Variants in POU2F1 observed in about 807,000 individuals in gnomAD.
POU2F1 encodes the protein POU class 2 homeobox 1.
A neutral mutation model predicts 84.9 loss-of-function variants in POU2F1; 16 were observed. The ratio of observed to expected loss-of-function variants is 0.19; its 90% CI spans 0.13 to 0.29. The LOEUF is 0.29. Ranked by LOEUF, POU2F1 falls within the 10% of genes least tolerant of loss-of-function variation. The pLI is 1.00. For missense variants in POU2F1, 738 were observed against 942.6 expected (o/e 0.78, Z 2.84); for synonymous variants, 368 against 368.3 (o/e 1.00, Z 0.01).
chr1:167,331,132 T>G (rs545261307), intron 1 of POU2F1, among the ~76,000 whole-genome samples: 2 of 152,078 alleles, frequency 1.3e-5, no homozygotes, highest in African/African-American at 2.4e-5. Context: ...CACAAACATA[T>G]GAATTTTAAC....
rs909467895 is a variant in POU2F1, at chr1:167,420,953, A to G, written c.*5143A>G. The G allele has an allele frequency of 6.6e-6, 1 of 152,256 alleles. No individual in the cohort carries two copies. The highest frequency in any genetic ancestry group is 1.5e-5 in the Non-Finnish European group (1 of 68,048). 9.4% of individuals were successfully genotyped at this position (152,256 alleles called of 1,614,324 possible). On this transcript the variant is annotated 3_prime_UTR_variant, in exon 16 of 16. Transcript: ENST00000367866. Reference sequence around the variant, plus strand: ...AAACATTAAAAGATGACTGATACTAATGGGAGAAAAATACTAAAGACCCAA... The same window carrying G: ...AAACATTAAAAGATGACTGATACTAGTGGGAGAAAAATACTAAAGACCCAA...
chr1:167,221,084 G>T, intron 1 of POU2F1, 126 bp downstream of exon 1: 1 of 929,452 alleles, frequency 1.1e-6, no homozygotes, highest in Admixed American at 2.1e-5. Context: ...GGAGATGGGG[G>T]GCCGGGGAGC....
At chr1:167,360,944 A>G (rs1425218532) in intron 2 of POU2F1, among the ~76,000 whole-genome samples, 1 of 151,146 alleles carries the variant, frequency 6.6e-6, no homozygotes, top group Non-Finnish European at 1.5e-5. Context: ...GTTTTATTTT[A>G]TTTTATTTTA....
At chr1:167,394,480 A>G (rs1299273500) in intron 9 of POU2F1, among the ~76,000 whole-genome samples, 1 of 152,192 alleles carries the variant, frequency 6.6e-6, no homozygotes, top group Non-Finnish European at 1.5e-5. Flanking sequence ...TTGGAATGAA[A>G]TCAATAAACA....
chr1:167,312,111 T>C (rs1571278082), intron 1 of POU2F1, among the ~76,000 whole-genome samples: 1 of 152,048 alleles, frequency 6.6e-6, no homozygotes, highest in Non-Finnish European at 1.5e-5. Flanking sequence ...ATTTTTGTAA[T>C]TTTTTAAATA....
intron 2 of POU2F1, among the ~76,000 whole-genome samples, chr1:167,336,433 G>A (rs1557904078): frequency 6.6e-6 from 1 of 152,120 alleles, no homozygotes; most frequent in Non-Finnish European, 1.5e-5. Context: ...TTTGCATCCT[G>A]TTTAGTGCAA....
At chr1:167,322,594 C>T (rs918943739) in intron 1 of POU2F1, among the ~76,000 whole-genome samples, 3 of 152,176 alleles carry the variant, frequency 2.0e-5, no homozygotes, top group Non-Finnish European at 2.9e-5. Context: ...AGAAATGCCC[C>T]GGTTTGGGCG....
At chr1:167,402,455 TG>T (rs1369157427) in intron 13 of POU2F1, among the ~76,000 whole-genome samples, 2 of 152,210 alleles carry the variant, frequency 1.3e-5, no homozygotes, top group African/African-American at 2.4e-5. Context: ...TAGAACATTT[TG>T]TTTATTGTTT....
At chr1:167,386,307 G>A (rs929869431) in intron 8 of POU2F1, among the ~76,000 whole-genome samples, 9 of 152,142 alleles carry the variant, frequency 5.9e-5, no homozygotes, top group East Asian at 5.8e-4. Context: ...CAATCCTCCC[G>A]CATCAGCCTC....
chr1:167,259,942 G>C (rs564745494), intron 1 of POU2F1, among the ~76,000 whole-genome samples: 1 of 151,458 alleles, frequency 6.6e-6, no homozygotes, highest in African/African-American at 2.4e-5. Flanking sequence ...GCAGTGGCGC[G>C]ATCTCAGCTC....
At chr1:167,395,745 C>T (rs1648764181) in intron 9 of POU2F1, among the ~76,000 whole-genome samples, 1 of 151,812 alleles carries the variant, frequency 6.6e-6, no homozygotes, top group Non-Finnish European at 1.5e-5. Flanking sequence ...GCTAGGACTA[C>T]AGGCACACGC....
At chr1:167,357,221 ATCT>A (rs963743408) in intron 2 of POU2F1, among the ~76,000 whole-genome samples, 3 of 151,818 alleles carry the variant, frequency 2.0e-5, no homozygotes, top group Non-Finnish European at 2.9e-5. Context: ...TGGCCCCCTT[ATCT>A]TCTTCTTAAT....
chr1:167,246,123 A>T (rs952168724), intron 1 of POU2F1, among the ~76,000 whole-genome samples: 5 of 152,366 alleles, frequency 3.3e-5, no homozygotes, highest in South Asian at 2.1e-4. Context: ...TAGAACATTA[A>T]ACAACAAATG....
chr1:167,300,363 G>C (rs986231570), intron 1 of POU2F1, among the ~76,000 whole-genome samples: 2 of 152,146 alleles, frequency 1.3e-5, no homozygotes, highest in African/African-American at 4.8e-5. Context: ...CAAAACTTCA[G>C]TATCATGCAA....
chr1:167,344,530 C>T (rs367710350), intron 2 of POU2F1, among the ~76,000 whole-genome samples: 163 of 152,284 alleles, frequency 1.1e-3, no homozygotes, highest in African/African-American at 3.4e-3. Flanking sequence ...AGCTCAGACC[C>T]TGAAATCAAA....
chr1:167,389,099 C>CAG (rs769028573), intron 8 of POU2F1, among the ~76,000 whole-genome samples: 1 of 152,142 alleles, frequency 6.6e-6, no homozygotes, highest in Non-Finnish European at 1.5e-5. Flanking sequence ...ATTTAAACTG[C>CAG]AGGTGGTTTA....
chr1:167,412,909 A>T, intron 14 of POU2F1, 117 bp from the exon 15 acceptor site: 1 of 764,290 alleles, frequency 1.3e-6, no homozygotes, highest in East Asian at 2.5e-5. Context: ...AAGAAAAATA[A>T]ATATTTCCAC....
chr1:167,360,954 A>AT (rs1659317296), intron 2 of POU2F1, among the ~76,000 whole-genome samples: 1 of 150,872 alleles, frequency 6.6e-6, no homozygotes. Context: ...ATTTTATTTT[A>AT]TTTTTTATTT....
At chr1:167,345,119 G>A (rs560663727) in intron 2 of POU2F1, among the ~76,000 whole-genome samples, 3 of 152,286 alleles carry the variant, frequency 2.0e-5, no homozygotes, top group Admixed American at 6.5e-5. Flanking sequence ...CGTGGTACAC[G>A]TGTACTTATG....
Sources: allele counts gnomAD v4.1 joint callset (sites outside exome capture counted in the v4.1 genomes callset), GRCh38; gene constraint gnomAD v4.1.1; transcripts MANE v1.5; gene names NCBI Gene and HGNC (gene_info 2026-07-23, HGNC 2026-07-21).